Variants in FCER2 observed in about 807,000 individuals in gnomAD.
FCER2 encodes Fc epsilon receptor II.
A neutral mutation model predicts 49.7 loss-of-function variants in FCER2; 38 were observed. The ratio of observed to expected loss-of-function variants is 0.76; its 90% confidence interval spans 0.59 to 1.00. FCER2 has a LOEUF of 1.00. FCER2 is among the 50% of genes least tolerant of loss of function. FCER2 has a pLI of 0.00. For missense variants in FCER2, 425 were observed against 419.5 expected (o/e 1.01, Z -0.11); for synonymous variants, 163 against 164.6 (o/e 0.99, Z 0.07).
chr19:7,697,499 T>C (rs1599440328), intron 5 of FCER2, 28 bp downstream of exon 5: 2 of 922,328 alleles, frequency 2.2e-6, no homozygotes, highest in Admixed American at 2.3e-5. Flanking sequence ...CTTTTTCCCC[T>C]GCAACCCCAA....
Position 7,697,159 on chromosome 19 carries a change from C to T in FCER2, c.316+77G>A, listed in dbSNP as rs1028077878. On this transcript the variant is annotated intron_variant, in intron 6 of 10. Transcript: ENST00000597921. ...CCCCCCAAGCCTGGCCCCCCAGCCT[C>T]GTGGTTCCCCAGGGCTCTGAGACAC... The T allele has an allele frequency of 3.1e-6, 5 of 1,605,108 alleles. No homozygotes were observed. The African/African-American group carries it at 4.0e-5, about 13-fold the overall frequency.
intron 10 of FCER2, 133 bp downstream of exon 10, chr19:7,690,026 G>C (rs4996980): frequency 1.9e-5 from 12 of 643,234 alleles, no homozygotes; most frequent in Non-Finnish European, 2.7e-5. Flanking sequence ...CCCCACTGGC[G>C]TCCTTCTCCC....
At chr19:7,699,604 TCA>T (rs897935973) in intron 2 of FCER2, 133 bp downstream of exon 2, 12 of 1,185,068 alleles carry the variant, frequency 1.0e-5, no homozygotes, top group Non-Finnish European at 1.5e-5. Context: ...ACCTCCTTAC[TCA>T]CACCAGTCCC....
intron 8 of FCER2, 40 bp from the exon 9 acceptor site, chr19:7,690,597 G>T (rs756767746): frequency 6.2e-7 from 1 of 1,600,420 alleles, no homozygotes; most frequent in South Asian, 1.1e-5. Context: ...GCCAATGGAA[G>T]TGCCTTGGGC....
intron 8 of FCER2, among the ~76,000 whole-genome samples, chr19:7,695,277 C>T (rs2032982097): frequency 6.6e-6 from 1 of 152,160 alleles, no homozygotes; most frequent in South Asian, 2.1e-4. Context: ...GCAGACATTA[C>T]CCCCGTCTGG....
At position 7,698,211 on chromosome 19, in the gene FCER2, G is replaced by T. The variant is rs1271877958; in HGVS notation, c.190+145C>A. Reference sequence around the variant, plus strand: ...TCAGGCACTTTTCCAAGCTTCCCTGGGTCCCCGCCTTCCCTAGGACAGGGA... The same window carrying T: ...TCAGGCACTTTTCCAAGCTTCCCTGTGTCCCCGCCTTCCCTAGGACAGGGA... On this transcript the variant is annotated intron_variant, in intron 4 of 10. Coordinates refer to ENST00000597921, the MANE Select transcript of FCER2 (RefSeq NM_001220500.2). 3.1e-5 allele frequency: 18 copies of T among 574,142 alleles called. No individual in the cohort carries two copies. In the East Asian group the frequency reaches 4.7e-4, roughly 15 times the overall value. 35.6% of individuals were successfully genotyped at this position (574,142 alleles called of 1,614,324 possible). A position where few individuals can be genotyped will look rare whatever the true frequency, so the allele number is the denominator to read the frequency against.
chr19:7,695,596 C>T (rs62110737), intron 8 of FCER2, among the ~76,000 whole-genome samples: 27,831 of 151,652 alleles, frequency 0.18, 3,108 homozygotes, highest in African/African-American at 0.3. Flanking sequence ...GGCAACATAG[C>T]GAGATCCTGT....
rs917481471 is a variant in FCER2 at position 7,702,072 on chromosome 19, A to G, written c.-143T>C. 1 of 152,076 alleles carries G rather than the reference A, an allele frequency of 6.6e-6. No individual in the cohort carries two copies. The highest frequency in any genetic ancestry group is 2.4e-5 in the African/African-American group (1 of 41,380). The allele number at this position is 152,076 out of a possible 1,614,324, so 9.4% of individuals were successfully genotyped here. ...CTCCTAGTGTGTTGGGGTCGACCAG[A>G]GCGATTGGCAGGGACCGTCAGAGAC... On this transcript the variant is annotated 5_prime_UTR_variant, in exon 1 of 11. Transcript: ENST00000597921.
At chr19:7,699,610 C>A in intron 2 of FCER2, 129 bp downstream of exon 2, 1 of 1,223,348 alleles carries the variant, frequency 8.2e-7, no homozygotes, top group Non-Finnish European at 1.2e-6. Flanking sequence ...TTACTCACAC[C>A]AGTCCCTTTC....
At chr19:7,700,027 T>A in intron 1 of FCER2, 182 bp from the exon 2 acceptor site, 2 of 558,476 alleles carry the variant, frequency 3.6e-6, no homozygotes, top group Non-Finnish European at 6.4e-6. Context: ...CAGCCTGAGA[T>A]CAGAAGTGGG....
chr19:7,699,086 G>GC (rs2033095536), intron 2 of FCER2, among the ~76,000 whole-genome samples: 1 of 151,820 alleles, frequency 6.6e-6, no homozygotes, highest in Admixed American at 6.6e-5. Flanking sequence ...GACTCCCTCA[G>GC]CCCCAACAAC....
chr19:7,690,066 C>T (rs2032816670), intron 10 of FCER2, 93 bp downstream of exon 10: 2 of 840,840 alleles, frequency 2.4e-6, no homozygotes, highest in Non-Finnish European at 4.0e-6. Flanking sequence ...ATCTCTGAGC[C>T]CTCATCCGCT....
chr19:7,690,996 C>T (rs2032852213), intron 8 of FCER2, among the ~76,000 whole-genome samples: 1 of 152,082 alleles, frequency 6.6e-6, no homozygotes, highest in Non-Finnish European at 1.5e-5. Flanking sequence ...GGTCCCTCAA[C>T]CACCAGCACC....
At chr19:7,695,096 A>G (rs2032978007) in intron 8 of FCER2, among the ~76,000 whole-genome samples, 1 of 152,096 alleles carries the variant, frequency 6.6e-6, no homozygotes, top group South Asian at 2.1e-4. Flanking sequence ...TCGGCCTCCC[A>G]AAGTGCTGGG....
intron 8 of FCER2, among the ~76,000 whole-genome samples, chr19:7,695,067 C>T (rs1370981833): frequency 6.6e-6 from 1 of 152,110 alleles, no homozygotes; most frequent in African/African-American, 2.4e-5. Context: ...AACTCCTGGA[C>T]TCAAGTGATC....
intron 4 of FCER2, 23 bp from the exon 5 acceptor site, chr19:7,697,612 A>C: frequency 6.2e-7 from 1 of 1,611,042 alleles, no homozygotes; most frequent in Non-Finnish European, 8.5e-7. Context: ...GAGAGAAGAG[A>C]TATCCCAGGA....
At chr19:7,692,014 G>T (rs78434475) in intron 8 of FCER2, among the ~76,000 whole-genome samples, 7 of 109,582 alleles carry the variant, frequency 6.4e-5, no homozygotes, top group African/African-American at 1.3e-4. Flanking sequence ...AACACCATCA[G>T]CACGAATACA....
At chr19:7,696,743 C>A (rs1415072096) in intron 8 of FCER2, 82 bp downstream of exon 8, 2 of 983,604 alleles carry the variant, frequency 2.0e-6, no homozygotes, top group Non-Finnish European at 3.1e-6. Flanking sequence ...TCACGTCACA[C>A]GTGCGTGCCG....
intron 8 of FCER2, among the ~76,000 whole-genome samples, chr19:7,694,795 G>A (rs536495090): frequency 3.3e-5 from 5 of 152,036 alleles, no homozygotes; most frequent in African/African-American, 9.7e-5. Context: ...ATTAGCTGGC[G>A]GAACGGCAGG....
Sources: gnomAD v4.1 joint callset for allele counts (sites outside exome capture counted in the v4.1 genomes callset) on GRCh38, gnomAD v4.1.1 for gene constraint, MANE v1.5 for transcripts, NCBI Gene and HGNC (gene_info 2026-07-23, HGNC 2026-07-21) for gene names.